INTS1: variants seen among roughly 807,000 people sequenced by gnomAD.
INTS1 encodes integrator complex subunit 1.
INTS1 carries 137 observed loss-of-function variants against 241.6 expected under a neutral mutation model. That is an observed-to-expected ratio of 0.57 (90% confidence interval 0.49 to 0.65). The LOEUF is 0.65. Among genes scored for constraint, INTS1 ranks in the 30% least tolerant of loss-of-function variants. INTS1 has a pLI of 0.00. For missense variants in INTS1, 3,073 were observed against 3,032.2 expected, an observed-to-expected ratio of 1.01 and a Z score of -0.32; for synonymous variants, 1,692 against 1,337.8, an observed-to-expected ratio of 1.26 and a Z score of -5.78.
chr7:1,473,224 G>A, intron 42 of INTS1, 40 bp from the exon 43 acceptor site: 3 of 1,461,918 alleles, frequency 2.1e-6, no homozygotes, highest in Non-Finnish European at 2.9e-6. Context: ...GGAAGACGCT[G>A]GCAGGAGGAA....
In INTS1 at chr7:1,480,865, A is replaced by G; in HGVS notation, c.3919T>C (p.Leu1307=). ...CGGGGCGGCAGGGAGGCTGTGAGCAAGGAGTGGAAAGTCTGGCCTCCGGAG... is the reference window on the plus strand; with the variant it reads ...CGGGGCGGCAGGGAGGCTGTGAGCAGGGAGTGGAAAGTCTGGCCTCCGGAG... ...GASGGQTFHS[L]LTASLPPRRD... is the part of the protein sequence containing the mutation. Residue 1307 remains leucine (L), a synonymous_variant, in exon 29 of 48, where the codon TTG becomes CTG. Coordinates refer to ENST00000404767, the MANE Select transcript of INTS1 (RefSeq NM_001080453.3). The G allele has an allele frequency of 4.5e-6, 7 of 1,555,052 alleles. No individual in the cohort carries two copies. The highest frequency in any genetic ancestry group is 5.2e-6 in the Non-Finnish European group (6 of 1,150,174).
At chr7:1,476,982 A>G (rs1781756716) in intron 35 of INTS1, 64 bp from the exon 36 acceptor site, 3 of 1,543,790 alleles carry the variant, frequency 1.9e-6, no homozygotes, top group Non-Finnish European at 2.6e-6. Flanking sequence ...TGCTGAAGTC[A>G]GCTGACAGCT....
At chr7:1,478,196 A>G (rs1781819558) in intron 33 of INTS1, among the ~76,000 whole-genome samples, 170 bp downstream of exon 33, 1 of 151,884 alleles carries the variant, frequency 6.6e-6, no homozygotes, top group Non-Finnish European at 1.5e-5. Flanking sequence ...GCTCCAACTC[A>G]TTCTCAAGAG....
intron 1 of INTS1, 81 bp downstream of exon 1, chr7:1,504,242 G>T (rs1034384307): frequency 5.1e-6 from 3 of 586,526 alleles, no homozygotes; most frequent in Non-Finnish European, 6.1e-6. Context: ...AGAAGGGACG[G>T]CCCAGAGGCC....
chr7:1,498,344 C>A lies in INTS1; in HGVS notation c.1425+68G>T, dbSNP rs1476578085. On this transcript the variant is annotated intron_variant, in intron 10 of 47. Coordinates refer to ENST00000404767, the MANE Select transcript of INTS1 (RefSeq NM_001080453.3). ...CCAATCCACCGGCCTCCCCAGACGC[C>A]ACGTGCCCCTCCAGCCCAGAGCCCC... 4 of 1,587,090 alleles carry A rather than the reference C, an allele frequency of 2.5e-6. No individual in the cohort carries two copies. The African/African-American group carries it at 5.4e-5, about 21-fold the overall frequency.
At position 1,484,066 on chromosome 7, in the gene INTS1, G is replaced by A. The variant is rs776769781; in HGVS notation, c.3366C>T (p.Ser1122=). 1 of 1,612,542 alleles carries A rather than the reference G, an allele frequency of 6.2e-7. No individual in the cohort carries two copies. The highest frequency in any genetic ancestry group is 1.1e-5 in the South Asian group (1 of 91,080). ...ASDAVLSALL[S]IFSRYVRRMR... The stretch of plus-strand genomic sequence containing the variant: ...TGCGCCTCACGTAGCGTGAGAAGAT[G>A]GACAACAGAGCGCTCAGCACGGCGT... The change falls in exon 25 of 48, where the codon TCC becomes TCT. Residue 1122 remains serine (S), a synonymous_variant. Transcript: ENST00000404767.
rs1382148508 is a variant in INTS1 at position 1,475,953 on chromosome 7, A to G, written c.5497T>C (p.Cys1833Arg). 1.3e-6 allele frequency: 2 copies of G among 1,539,422 alleles called. No homozygotes were observed. The highest frequency in any genetic ancestry group is 1.7e-6 in the Non-Finnish European group (2 of 1,144,704). Residue 1833 changes from cysteine (C) to arginine (R), a missense_variant, in exon 39 of 48, where the codon TGC (cysteine) becomes CGC (arginine). By Grantham distance (180) the Cys-to-Arg change is radical. Coordinates refer to ENST00000404767, the MANE Select transcript of INTS1 (RefSeq NM_001080453.3). ...HSEGAASSSV[C>R]KLDGLIHRFI... ...CGGCAGAGTTGCGCCCTCACCTTGC[A>G]GACGCTGCTGCTGGCAGCCCCTTCG...
chr7:1,485,353 C>G lies in INTS1; in HGVS notation c.3093G>C (p.Arg1031=), dbSNP rs1460632308. ...DVLQGYQWLL[R]DLPRLPLFDS... is the part of the protein sequence containing the mutation. ...CGAACAGAGGCAGGCGAGGCAGGTCCCGCAGCAGCCACTGATAGCCCTGCA... is the reference window on the plus strand; with the variant it reads ...CGAACAGAGGCAGGCGAGGCAGGTCGCGCAGCAGCCACTGATAGCCCTGCA... Residue 1031 remains arginine (R), a synonymous_variant, in exon 23 of 48, where the codon CGG becomes CGC. Transcript: ENST00000404767. 9 of 1,611,950 alleles carry G rather than the reference C, an allele frequency of 5.6e-6. No individual in the cohort carries two copies. Among genetic ancestry groups the G allele is most frequent in the Non-Finnish European group, 7.6e-6 (9 of 1,179,766 alleles).
rs771168359 is a variant in INTS1 at position 1,485,199 on chromosome 7, T to C, written c.3160A>G (p.Ile1054Val). 1.3e-5 allele frequency: 21 copies of C among 1,599,848 alleles called. No homozygotes were observed. Among genetic ancestry groups the C allele is most frequent in the Non-Finnish European group, 1.7e-5 (20 of 1,179,142 alleles). Residue 1054 changes from isoleucine (I) to valine (V), a missense_variant, in exon 24 of 48, where the codon ATC (isoleucine) becomes GTC (valine). By Grantham distance (29) the Ile-to-Val change is conservative. Transcript: ENST00000404767. ...GTCTGGGGATCAGTCTCCATGTGGA[T>C]TGCCTGGAGGGGAGGGTGGTCTGAG... ...STTALALQQA[I>V]HMETDPQTIS...
intron 22 of INTS1, among the ~76,000 whole-genome samples, chr7:1,486,141 G>A (rs1162683176): frequency 6.6e-6 from 1 of 152,084 alleles, no homozygotes; most frequent in African/African-American, 2.4e-5. Context: ...TTCCTGTGTT[G>A]CCCAGGCTGG....
Position 1,502,927 on chromosome 7 carries a change from T to C in INTS1, c.323A>G (p.Lys108Arg), listed in dbSNP as rs1470010020. 1.2e-6 allele frequency: 2 copies of C among 1,613,838 alleles called. No individual in the cohort carries two copies. The highest frequency in any genetic ancestry group is 2.2e-5 in the South Asian group (2 of 91,076). ...TTCAATTGGCACCACAGATGGCTCTTTAATCGACGGAGAAATGGCTCGTTT... is the reference window on the plus strand; with the variant it reads ...TTCAATTGGCACCACAGATGGCTCTCTAATCGACGGAGAAATGGCTCGTTT... The part of the protein sequence containing the change: ...AEKRAISPSI[K>R]EPSVVPIEVL... The change falls in exon 3 of 48, where the codon AAA (lysine) becomes AGA (arginine). Residue 108 changes from lysine (K) to arginine (R), a missense_variant. Lys to Arg is a conservative substitution (Grantham distance 26). Coordinates refer to ENST00000404767, the MANE Select transcript of INTS1 (RefSeq NM_001080453.3).
At chr7:1,483,356 G>T in intron 26 of INTS1, 5 of 355,308 alleles carry the variant, frequency 1.4e-5, no homozygotes, top group Non-Finnish European at 2.7e-5. Context: ...GGGCCCCGGG[G>T]AGAGGACCCA....
At position 1,489,554 on chromosome 7, in the gene INTS1, G is replaced by A. The variant is rs764884337; in HGVS notation, c.2257+37C>T. 2.6e-6 allele frequency: 4 copies of A among 1,530,806 alleles called. 1 individual carries two copies. In the South Asian group the frequency reaches 3.6e-5, roughly 14 times the overall value. 94.8% of individuals were successfully genotyped at this position (1,530,806 alleles called of 1,614,324 possible). On this transcript the variant is annotated intron_variant, in intron 17 of 47. Coordinates refer to ENST00000404767, the MANE Select transcript of INTS1 (RefSeq NM_001080453.3). The stretch of plus-strand genomic sequence containing the variant: ...CCCCAAAGGAATAAGGACCAGCAGG[G>A]CCACGTGTGCGCATGGGGCGGCCAG...
intron 9 of INTS1, 75 bp downstream of exon 9, chr7:1,498,632 C>T (rs1782979541): frequency 1.3e-6 from 2 of 1,541,068 alleles, no homozygotes; most frequent in African/African-American, 2.8e-5. Context: ...TCCGCCCGCA[C>T]CCCCGCTCCG....
intron 44 of INTS1, among the ~76,000 whole-genome samples, chr7:1,471,927 C>T (rs1781486488): frequency 2.0e-5 from 3 of 152,232 alleles, no homozygotes; most frequent in Admixed American, 2.0e-4. Context: ...TCCATCCGGG[C>T]CGCTCAGCCT....
Position 1,479,677 on chromosome 7 carries a change from G to T in INTS1, c.4082C>A (p.Pro1361Gln), listed in dbSNP as rs1191502373. Reference protein sequence around the residue: ...DLAGMFLQIFPLSPDPRWQSS... With the variant: ...DLAGMFLQIFQLSPDPRWQSS... ...CTGCCACCGAGGGTCCGGGCTGAGC[G>T]GGAAAATCTGGAACGGGGAAGGCCA... The change falls in exon 31 of 48, where the codon CCG (proline) becomes CAG (glutamine). Residue 1361 changes from proline to glutamine, a missense_variant. Transcript: ENST00000404767. The T allele has an allele frequency of 6.8e-7, 1 of 1,466,100 alleles. No homozygotes were observed. Among genetic ancestry groups the T allele is most frequent in the South Asian group, 1.4e-5 (1 of 71,658 alleles). The allele number at this position is 1,466,100 out of a possible 1,614,324, so 90.8% of individuals were successfully genotyped here. A position where few individuals can be genotyped will look rare whatever the true frequency, so the allele number is the denominator to read the frequency against.
rs1781783249 is a variant in INTS1 at position 1,477,606 on chromosome 7, C to T, written c.4882G>A (p.Glu1628Lys). The T allele has an allele frequency of 2.5e-6, 4 of 1,571,276 alleles. No homozygotes were observed. The highest frequency in any genetic ancestry group is 2.4e-5 in the East Asian group (1 of 42,522). The change falls in exon 35 of 48, where the codon GAG becomes AAG. Residue 1628 changes from glutamate (E) to lysine (K), a missense_variant. Glu to Lys is a moderately conservative substitution (Grantham distance 56, BLOSUM62 1). Transcript: ENST00000404767. ...AGGTCGGGGCAGCTGCTGACCACCTCGGGGTCCAGCATTTCCAGCCAGTCC... is the reference window on the plus strand; with the variant it reads ...AGGTCGGGGCAGCTGCTGACCACCTTGGGGTCCAGCATTTCCAGCCAGTCC... ...LVDWLEMLDP[E>K]VVSSCPDLQL...
chr7:1,474,140 C>A (rs565175865), intron 41 of INTS1, 28 bp downstream of exon 41: 16 of 1,534,988 alleles, frequency 1.0e-5, no homozygotes, highest in South Asian at 2.5e-5. Flanking sequence ...TGGAAGGGAG[C>A]GCGAGGGCGG....
rs7783971 is a variant in INTS1, at chr7:1,480,310, A to T, written c.4074+7T>A. 0.45 allele frequency: 717,043 copies of T among 1,598,524 alleles called. 168,591 individuals are homozygous for T. The highest frequency in any genetic ancestry group is 0.77 in the African/African-American group (57,783 of 74,698). On this transcript the variant is annotated splice_region_variant and intron_variant, in intron 30 of 47. Transcript: ENST00000404767. ...AGGTGGAGACCCACATGCAGCAGCA[A>T]CGCTACCTGGAGGAACATGCCAGCC...
Sources: gnomAD v4.1 joint callset for allele counts (sites outside exome capture counted in the v4.1 genomes callset) on GRCh38, gnomAD v4.1.1 for gene constraint, MANE v1.5 for transcripts, NCBI Gene and HGNC (gene_info 2026-07-23, HGNC 2026-07-21) for gene names.